The following SUCLG2 variants were observed in gnomAD, a reference collection of about 807,000 sequenced individuals.
SUCLG2 encodes succinate--CoA ligase [GDP-forming] subunit beta, mitochondrial.
Under a neutral mutation model 47.9 loss-of-function variants are expected in SUCLG2, and 42 were observed. The observed-to-expected ratio is 0.88, with a 90% CI of 0.69 to 1.14. The LOEUF (loss-of-function observed/expected upper bound fraction) is 1.14, where lower values mean the gene tolerates loss of function less well. Ranked by LOEUF, SUCLG2 falls within the 50% of genes most tolerant of loss-of-function variation. The pLI is 0.00. For missense variants in SUCLG2, 571 were observed against 525.9 expected (o/e 1.09, Z -0.84); for synonymous variants, 195 against 197.3 (o/e 0.99, Z 0.10).
chr3:67,410,438 C>T (rs1382673710), intron 9 of SUCLG2, among the ~76,000 whole-genome samples: 1 of 152,014 alleles, frequency 6.6e-6, no homozygotes, highest in Non-Finnish European at 1.5e-5. Flanking sequence ...GAAAAGGAGA[C>T]AAGGAGTTAA....
chr3:67,380,431 C>T (rs1016531422), intron 10 of SUCLG2, among the ~76,000 whole-genome samples: 1 of 152,156 alleles, frequency 6.6e-6, no homozygotes, highest in Non-Finnish European at 1.5e-5. Flanking sequence ...CTCCTCCCAG[C>T]TGCTCCTTCA....
chr3:67,421,357 A>G (rs1472284186), intron 9 of SUCLG2, among the ~76,000 whole-genome samples: 1 of 152,152 alleles, frequency 6.6e-6, no homozygotes, highest in Non-Finnish European at 1.5e-5. Flanking sequence ...TATATTTCCC[A>G]AAACAATCCT....
At chr3:67,548,114 C>T (rs563181317) in intron 2 of SUCLG2, among the ~76,000 whole-genome samples, 78 of 152,134 alleles carry the variant, frequency 5.1e-4, no homozygotes, top group Middle Eastern at 3.4e-3. Flanking sequence ...TTGTGCTGAG[C>T]GTATTCACTA....
intron 1 of SUCLG2, among the ~76,000 whole-genome samples, chr3:67,615,646 A>ACACG (rs1700614314): frequency 6.6e-6 from 1 of 151,730 alleles, no homozygotes. Flanking sequence ...ACACACACAC[A>ACACG]CACACGAGAT....
At chr3:67,382,316 A>G (rs1365426674) in intron 10 of SUCLG2, among the ~76,000 whole-genome samples, 2 of 152,234 alleles carry the variant, frequency 1.3e-5, no homozygotes, top group Admixed American at 1.3e-4. Flanking sequence ...AGCAAGTCAG[A>G]GGCTGAGCCA....
rs1187095049 is a variant in SUCLG2 at position 67,498,276 on chromosome 3, C to T, written c.777G>A (p.Lys259=). ...PEGQVVCFDA[K]INFDDNAEFR... ...ATTCTGCGTTGTCATCAAAGTTTATCTTGGCATCAAAACAGACAACTAAAT... is the reference window on the plus strand; with the variant it reads ...ATTCTGCGTTGTCATCAAAGTTTATTTTGGCATCAAAACAGACAACTAAAT... The change falls in exon 8 of 11, where the codon AAG becomes AAA. Residue 259 remains lysine, a synonymous_variant. Transcript: ENST00000307227. 5 of 1,612,956 alleles carry T rather than the reference C, an allele frequency of 3.1e-6. No homozygotes were observed. Among genetic ancestry groups the T allele is most frequent in the Non-Finnish European group, 4.2e-6 (5 of 1,179,746 alleles).
intron 10 of SUCLG2, among the ~76,000 whole-genome samples, chr3:67,377,090 C>T (rs1430236958): frequency 6.6e-6 from 1 of 152,206 alleles, no homozygotes; most frequent in African/African-American, 2.4e-5. Context: ...AACTTATACA[C>T]AGCATATGAA....
At chr3:67,522,345 T>C (rs1356097318) in intron 4 of SUCLG2, among the ~76,000 whole-genome samples, 2 of 152,030 alleles carry the variant, frequency 1.3e-5, no homozygotes, top group African/African-American at 4.8e-5. Context: ...GTGCCTGGCC[T>C]GCTGACAGAC....
chr3:67,546,457 G>A (rs539245806), intron 2 of SUCLG2, among the ~76,000 whole-genome samples: 49 of 152,216 alleles, frequency 3.2e-4, no homozygotes, highest in African/African-American at 1.1e-3. Context: ...ATTTCAGGCC[G>A]GGCAGGGTGG....
At chr3:67,505,438 T>C (rs897888304) in intron 7 of SUCLG2, among the ~76,000 whole-genome samples, 4 of 152,216 alleles carry the variant, frequency 2.6e-5, no homozygotes, top group African/African-American at 4.8e-5. Context: ...TGTCAAATTA[T>C]ATTTTTTGAA....
intron 2 of SUCLG2, among the ~76,000 whole-genome samples, chr3:67,593,925 T>C (rs978467076): frequency 6.6e-6 from 1 of 152,218 alleles, no homozygotes; most frequent in African/African-American, 2.4e-5. Flanking sequence ...CCCTTGTCTT[T>C]GGATTCCAAC....
chr3:67,605,214 A>T (rs1255969821), intron 2 of SUCLG2, among the ~76,000 whole-genome samples: 1 of 152,206 alleles, frequency 6.6e-6, no homozygotes, highest in African/African-American at 2.4e-5. Flanking sequence ...TGCATAATCC[A>T]GTTTTAATCT....
At chr3:67,608,886 A>G (rs1700477018) in intron 2 of SUCLG2, among the ~76,000 whole-genome samples, 1 of 152,118 alleles carries the variant, frequency 6.6e-6, no homozygotes, top group African/African-American at 2.4e-5. Flanking sequence ...TATGTTGCCC[A>G]GGCTGGTCTC....
intron 9 of SUCLG2, 129 bp from the exon 10 acceptor site, chr3:67,400,980 T>C (rs1702671508): frequency 1.5e-6 from 2 of 1,348,714 alleles, no homozygotes; most frequent in East Asian, 5.3e-5. Context: ...ATACAGAGCA[T>C]AAAATACAAA....
rs1400010654 is a variant in SUCLG2, at chr3:67,637,361, TA to T, written c.84+17141del. ...AAAACACTTATTCAGAAGATTTCAATAAAAAATTAATAACCACTTGCTTCCA... is the reference window on the plus strand; with the variant it reads ...AAAACACTTATTCAGAAGATTTCAATAAAAATTAATAACCACTTGCTTCCA... On this transcript the variant is annotated intron_variant, in intron 1 of 10. Transcript: ENST00000307227. 4.6e-5 allele frequency among the ~76,000 whole-genome samples: 7 copies of T among 152,236 alleles called. No individual in the cohort carries two copies. In the East Asian group the frequency reaches 1.4e-3, roughly 29 times the overall value.
chr3:67,552,025 G>A (rs777042954), intron 2 of SUCLG2, among the ~76,000 whole-genome samples: 16 of 152,050 alleles, frequency 1.1e-4, no homozygotes, highest in Non-Finnish European at 2.2e-4. Context: ...GTGGGAACAT[G>A]ATGTGACAGT....
At chr3:67,443,144 T>C (rs1050801250) in intron 9 of SUCLG2, among the ~76,000 whole-genome samples, 17 of 152,130 alleles carry the variant, frequency 1.1e-4, no homozygotes, top group African/African-American at 3.9e-4. Context: ...ACTTAAACTA[T>C]AAAGGAGGAT....
At position 67,360,545 on chromosome 3, in the gene SUCLG2, AC is replaced by A. The variant is rs11327541; in HGVS notation, c.*83del. 0.014 allele frequency: 19,178 copies of A among 1,364,400 alleles called. 592 individuals carry two copies. In the East Asian group the frequency reaches 0.14, roughly 10 times the overall value. The allele number at this position is 1,364,400 out of a possible 1,614,324, so 84.5% of individuals were successfully genotyped here. A position where few individuals can be genotyped will look rare whatever the true frequency, so the allele number is the denominator to read the frequency against. On this transcript the variant is annotated 3_prime_UTR_variant, in exon 11 of 11. Coordinates refer to the SUCLG2 transcript ENST00000493112. ...TCCATTTCCATTAGCATGCAGCTGA[AC>A]CCAAATGTAAAAAAATAATTTTGTG...
At chr3:67,378,760 T>C (rs1039725564) in intron 10 of SUCLG2, among the ~76,000 whole-genome samples, 1 of 152,216 alleles carries the variant, frequency 6.6e-6, no homozygotes, top group African/African-American at 2.4e-5. Context: ...TAAAAATGTA[T>C]TATTTCATTA....
Sources: gnomAD v4.1 joint callset for allele counts (sites outside exome capture counted in the v4.1 genomes callset) on GRCh38, gnomAD v4.1.1 for gene constraint, MANE v1.5 for transcripts, NCBI Gene and HGNC (gene_info 2026-07-23, HGNC 2026-07-21) for gene names.